Variants in SPTLC2 observed in about 807,000 individuals in gnomAD.
The protein encoded by SPTLC2 is serine palmitoyltransferase long chain base subunit 2.
Under a neutral mutation model 62.0 loss-of-function variants are expected in SPTLC2, and 21 were observed. The ratio of observed to expected loss-of-function variants is 0.34; its 90% CI spans 0.24 to 0.49. SPTLC2 has a LOEUF of 0.49. SPTLC2 is among the 20% of genes least tolerant of loss of function. The pLI, the probability that SPTLC2 is intolerant of heterozygous loss-of-function variation, is 0.99. For missense variants in SPTLC2, 511 were observed against 713.0 expected (o/e 0.72, Z 3.23); for synonymous variants, 261 against 261.8 (o/e 1.00, Z 0.03).
intron 9 of SPTLC2, among the ~76,000 whole-genome samples, chr14:77,545,342 C>T (rs568036239): frequency 6.6e-6 from 1 of 151,946 alleles, no homozygotes; most frequent in Non-Finnish European, 1.5e-5. Flanking sequence ...TCTCGGCTCC[C>T]TGCAATCTCC....
At chr14:77,563,279 G>T (rs905277999) in intron 5 of SPTLC2, among the ~76,000 whole-genome samples, 3 of 152,086 alleles carry the variant, frequency 2.0e-5, no homozygotes, top group African/African-American at 7.2e-5. Context: ...AAGACACACA[G>T]TCATCCCTCA....
chr14:77,521,409 A>C (rs951244416), intron 10 of SPTLC2, 37 bp downstream of exon 10: 1 of 1,613,652 alleles, frequency 6.2e-7, no homozygotes, highest in Admixed American at 1.7e-5. Context: ...AGATAAGGAT[A>C]AGGACAGACT....
intron 11 of SPTLC2, among the ~76,000 whole-genome samples, chr14:77,515,542 C>CTGTTTTT (rs2079354234): frequency 8.0e-6 from 1 of 124,716 alleles, no homozygotes; most frequent in Admixed American, 8.4e-5. Context: ...AAGGGAAAGG[C>CTGTTTTT]TTTTTTTTTT....
At chr14:77,600,254 T>C (rs908818909) in intron 1 of SPTLC2, among the ~76,000 whole-genome samples, 6 of 152,194 alleles carry the variant, frequency 3.9e-5, no homozygotes, top group African/African-American at 1.4e-4. Flanking sequence ...TTTTAAAGAA[T>C]TTAGGTTCAA....
At chr14:77,559,601 T>C (rs999576484) in intron 6 of SPTLC2, among the ~76,000 whole-genome samples, 1 of 151,974 alleles carries the variant, frequency 6.6e-6, no homozygotes, top group African/African-American at 2.4e-5. Context: ...AATATAAAAA[T>C]AGTGCAGTCT....
chr14:77,569,833 A>ACT lies in SPTLC2; in HGVS notation c.756+550_756+551insAG, dbSNP rs1566783336. On this transcript the variant is annotated intron_variant, in intron 5 of 11. Coordinates refer to ENST00000216484, the MANE Select transcript of SPTLC2 (RefSeq NM_004863.4). ...ATACATATATGTTATATATATATAT[A>ACT]ATATACAATATTATATATATGTATA... 8.5e-5 allele frequency among the ~76,000 whole-genome samples: 3 copies of ACT among 35,396 alleles called. 1 individual carries two copies. Among genetic ancestry groups the ACT allele is most frequent in the Non-Finnish European group, 7.7e-5 (1 of 12,954 alleles). 23.2% of individuals were successfully genotyped at this position (35,396 alleles called of 152,430 possible).
intron 9 of SPTLC2, among the ~76,000 whole-genome samples, chr14:77,528,340 T>A (rs2079419258): frequency 6.6e-6 from 1 of 152,100 alleles, no homozygotes; most frequent in Non-Finnish European, 1.5e-5. Context: ...CAGGCAATTC[T>A]CCTGACTCAG....
intron 4 of SPTLC2, among the ~76,000 whole-genome samples, chr14:77,570,998 C>CCTT (rs2079679158): frequency 6.6e-6 from 1 of 152,146 alleles, no homozygotes; most frequent in African/African-American, 2.4e-5. Flanking sequence ...GATGCCCAGC[C>CCTT]AGCCCTTAGC....
chr14:77,545,328 G>A (rs1039602551), intron 9 of SPTLC2, among the ~76,000 whole-genome samples: 27 of 151,526 alleles, frequency 1.8e-4, no homozygotes, highest in African/African-American at 5.6e-4. Context: ...GTGCAATGGC[G>A]TGATCTCGGC....
intron 2 of SPTLC2, among the ~76,000 whole-genome samples, chr14:77,582,148 G>C (rs1158441828): frequency 1.3e-5 from 2 of 151,804 alleles, no homozygotes; most frequent in Non-Finnish European, 2.9e-5. Flanking sequence ...CGCCTCCTAG[G>C]TTCAAGTGAT....
At chr14:77,518,389 C>CCT (rs2079369154) in intron 10 of SPTLC2, among the ~76,000 whole-genome samples, 1 of 152,034 alleles carries the variant, frequency 6.6e-6, no homozygotes, top group Non-Finnish European at 1.5e-5. Context: ...CTTCACAAAA[C>CCT]TGAAATAACC....
At chr14:77,605,574 C>T (rs545953363) in intron 1 of SPTLC2, among the ~76,000 whole-genome samples, 74 of 152,340 alleles carry the variant, frequency 4.9e-4, no homozygotes, top group African/African-American at 1.7e-3. Flanking sequence ...GCCATTTCCT[C>T]TCTCTACTTG....
At position 77,518,141 on chromosome 14, in the gene SPTLC2, C is replaced by T. The variant is rs766840383; in HGVS notation, c.1466G>A (p.Arg489Gln). The change falls in exon 11 of 12, where the codon CGG becomes CAG. Residue 489 changes from arginine (R) to glutamine (Q), a missense_variant. Coordinates refer to ENST00000216484, the MANE Select transcript of SPTLC2 (RefSeq NM_004863.4). ...IGAFGREMLK[R>Q]NIGVVVVGFP... The stretch of plus-strand genomic sequence containing the variant: ...TCCAACCACAACGACACCGATGTTC[C>T]GCTTCAGCATCTCCCGTCCAAAGGC... 3 of 1,614,058 alleles carry T rather than the reference C, an allele frequency of 1.9e-6. No individual in the cohort carries two copies. Among genetic ancestry groups the T allele is most frequent in the South Asian group, 2.2e-5 (2 of 91,070 alleles).
chr14:77,532,303 C>G (rs528848419), intron 9 of SPTLC2, among the ~76,000 whole-genome samples: 1 of 152,026 alleles, frequency 6.6e-6, no homozygotes, highest in Non-Finnish European at 1.5e-5. Context: ...TAAATGCTCA[C>G]GTGAATGAAT....
chr14:77,613,082 A>G (rs1347127950), intron 1 of SPTLC2, among the ~76,000 whole-genome samples: 1 of 151,950 alleles, frequency 6.6e-6, no homozygotes, highest in Non-Finnish European at 1.5e-5. Flanking sequence ...CAAACAAACT[A>G]CTATATTTCA....
intron 9 of SPTLC2, among the ~76,000 whole-genome samples, chr14:77,543,763 C>A (rs1003175402): frequency 1.3e-5 from 2 of 152,152 alleles, no homozygotes; most frequent in Admixed American, 6.5e-5. Flanking sequence ...AACTTCTCCA[C>A]CTATGCCACT....
Position 77,613,037 on chromosome 14 carries a change from AG to A in SPTLC2, c.132+3410del, listed in dbSNP as rs1459914815. Among the ~76,000 whole-genome samples, 4 of 151,032 alleles carry A rather than the reference AG, an allele frequency of 2.6e-5. No individual in the cohort carries two copies. In the East Asian group the frequency reaches 7.9e-4, roughly 30 times the overall value. ...TAAAGAAATGGAAGCTCTTTTAAAA[AG>A]AGCTGTTAACGTGAAGTTTTAAAAA... is the stretch of plus-strand genomic sequence containing the variant. On this transcript the variant is annotated intron_variant, in intron 1 of 11. Coordinates refer to ENST00000216484, the MANE Select transcript of SPTLC2 (RefSeq NM_004863.4).
At chr14:77,513,725 G>A (rs918456409) in intron 11 of SPTLC2, among the ~76,000 whole-genome samples, 77 of 152,002 alleles carry the variant, frequency 5.1e-4, no homozygotes, top group African/African-American at 1.9e-3. Context: ...GAGAAACCCT[G>A]TCTCTACTGA....
chr14:77,517,742 A>G (rs1371691465), intron 11 of SPTLC2, among the ~76,000 whole-genome samples: 1 of 140,822 alleles, frequency 7.1e-6, no homozygotes, highest in Non-Finnish European at 1.6e-5. Context: ...TTTTAGACAG[A>G]ACAACATATG....
Sources: gnomAD v4.1 joint callset for allele counts (sites outside exome capture counted in the v4.1 genomes callset) on GRCh38, gnomAD v4.1.1 for gene constraint, MANE v1.5 for transcripts, NCBI Gene and HGNC (gene_info 2026-07-23, HGNC 2026-07-21) for gene names.